The following ADGRB3 variants were observed in gnomAD, a reference collection of about 807,000 sequenced individuals.
ADGRB3 encodes the protein brain-specific angiogenesis inhibitor 3.
In ADGRB3, 37 loss-of-function variants were observed where a neutral mutation model predicts 193.4. The ratio of observed to expected loss-of-function variants is 0.19; its 90% confidence interval spans 0.15 to 0.25. ADGRB3 has a LOEUF of 0.25. Among genes scored for constraint, ADGRB3 ranks in the 10% least tolerant of loss-of-function variants. ADGRB3 has a pLI of 1.00. For missense variants in ADGRB3, 1,637 were observed against 1,852.9 expected, an observed-to-expected ratio of 0.88 and a Z score of 2.14; for synonymous variants, 690 against 644.2, an observed-to-expected ratio of 1.07 and a Z score of -1.08.
At chr6:69,231,372 G>A (rs759071473) in intron 17 of ADGRB3, among the ~76,000 whole-genome samples, 78 of 152,304 alleles carry the variant, frequency 5.1e-4, no homozygotes, top group Non-Finnish European at 9.6e-4. Context: ...GGGCATAGCT[G>A]CATAACTGAA....
chr6:68,949,263 T>C (rs1258974576), intron 6 of ADGRB3, among the ~76,000 whole-genome samples: 1 of 152,096 alleles, frequency 6.6e-6, no homozygotes, highest in Non-Finnish European at 1.5e-5. Flanking sequence ...ACAAGCTGTG[T>C]CAGTCTGTTG....
At chr6:68,731,817 A>T (rs2127332719) in intron 3 of ADGRB3, among the ~76,000 whole-genome samples, 1 of 151,792 alleles carries the variant, frequency 6.6e-6, no homozygotes, top group East Asian at 1.9e-4. Flanking sequence ...TGTGAATCAT[A>T]TTGTTACTGT....
chr6:69,027,143 G>A (rs1770457387), intron 13 of ADGRB3, among the ~76,000 whole-genome samples: 1 of 151,760 alleles, frequency 6.6e-6, no homozygotes, highest in Non-Finnish European at 1.5e-5. Flanking sequence ...TTGTACAGCT[G>A]TAAAAATATT....
chr6:69,334,744 CTT>C (rs1223057521), intron 24 of ADGRB3, among the ~76,000 whole-genome samples: 7 of 152,068 alleles, frequency 4.6e-5, no homozygotes, highest in Admixed American at 1.3e-4. Context: ...GTAGTATAAA[CTT>C]ACATAATTTA....
chr6:68,899,599 T>C (rs1201546748), intron 3 of ADGRB3, among the ~76,000 whole-genome samples: 3 of 152,046 alleles, frequency 2.0e-5, no homozygotes, highest in East Asian at 1.9e-4. Flanking sequence ...ATTTCATCCA[T>C]GTCCCTACAA....
intron 12 of ADGRB3, among the ~76,000 whole-genome samples, chr6:69,015,366 G>T (rs997835318): frequency 4.0e-5 from 6 of 151,806 alleles, no homozygotes; most frequent in South Asian, 2.1e-4. Flanking sequence ...ATTTCCTTGA[G>T]ATTTTGAGTT....
intron 8 of ADGRB3, 117 bp downstream of exon 8, chr6:68,956,926 T>C (rs1768093040): frequency 8.7e-7 from 1 of 1,149,522 alleles, no homozygotes; most frequent in South Asian, 1.6e-5. Flanking sequence ...CTACTAATGA[T>C]AGGTGGCAAT....
At chr6:69,040,390 T>C (rs2150298191) in intron 13 of ADGRB3, among the ~76,000 whole-genome samples, 1 of 140,432 alleles carries the variant, frequency 7.1e-6, no homozygotes, top group East Asian at 2.2e-4. Context: ...TCTCTCTCTT[T>C]CTTTCCTTCA....
chr6:68,916,002 T>A (rs934733002), intron 3 of ADGRB3, among the ~76,000 whole-genome samples: 26 of 151,136 alleles, frequency 1.7e-4, no homozygotes, highest in Middle Eastern at 3.4e-3. Context: ...GAAAAATAAA[T>A]TAAAGAAGGA....
intron 19 of ADGRB3, among the ~76,000 whole-genome samples, chr6:69,236,892 T>A (rs1766277515): frequency 6.6e-6 from 1 of 151,996 alleles, no homozygotes; most frequent in Non-Finnish European, 1.5e-5. Flanking sequence ...TGAGATGAAC[T>A]TGAGAATTAC....
intron 11 of ADGRB3, among the ~76,000 whole-genome samples, chr6:69,010,623 G>T (rs906464887): frequency 6.6e-6 from 1 of 151,828 alleles, no homozygotes; most frequent in African/African-American, 2.4e-5. Flanking sequence ...TAAAGCATAG[G>T]TGGGCAACAT....
chr6:69,128,936 A>G (rs1409740505), intron 17 of ADGRB3, among the ~76,000 whole-genome samples: 1 of 152,164 alleles, frequency 6.6e-6, no homozygotes, highest in Non-Finnish European at 1.5e-5. Flanking sequence ...GGTCTCATCT[A>G]AGTCTTCAGG....
chr6:69,319,753 G>A (rs1339516390), intron 20 of ADGRB3, among the ~76,000 whole-genome samples: 1 of 151,158 alleles, frequency 6.6e-6, no homozygotes, highest in Non-Finnish European at 1.5e-5. Flanking sequence ...TTACATGTTA[G>A]TATTTGCATA....
At chr6:69,309,398 G>T (rs926274918) in intron 20 of ADGRB3, among the ~76,000 whole-genome samples, 2 of 151,634 alleles carry the variant, frequency 1.3e-5, no homozygotes, top group Admixed American at 1.3e-4. Flanking sequence ...GCATTAAATT[G>T]CATCCTAGAA....
chr6:69,229,198 G>A lies in ADGRB3; in HGVS notation c.2481-4092G>A, dbSNP rs149847953. On this transcript the variant is annotated intron_variant, in intron 17 of 31. Transcript: ENST00000370598. The stretch of plus-strand genomic sequence containing the variant: ...AATGTCTTTTAAAGTAGAAATTAAC[G>A]TCGAAGAGTGTTCTTGCTCAAAATT... 1.4e-4 allele frequency among the ~76,000 whole-genome samples: 22 copies of A among 152,118 alleles called. No individual in the cohort carries two copies. In the East Asian group the frequency reaches 3.7e-3, roughly 25 times the overall value.
intron 3 of ADGRB3, among the ~76,000 whole-genome samples, chr6:68,698,882 T>C (rs1765196903): frequency 6.6e-6 from 1 of 152,070 alleles, no homozygotes. Context: ...GATGTGTTGA[T>C]TGAAAATCTC....
chr6:68,825,155 C>A (rs1767819449), intron 3 of ADGRB3, among the ~76,000 whole-genome samples: 1 of 152,140 alleles, frequency 6.6e-6, no homozygotes, highest in Admixed American at 6.6e-5. Flanking sequence ...CTGTGCCCCG[C>A]CAATCTGAGC....
intron 20 of ADGRB3, among the ~76,000 whole-genome samples, chr6:69,252,271 T>A (rs1191543658): frequency 6.6e-6 from 1 of 152,212 alleles, no homozygotes; most frequent in Non-Finnish European, 1.5e-5. Context: ...ATTTATTGTA[T>A]GACTATATCA....
intron 15 of ADGRB3, 144 bp downstream of exon 15, chr6:69,049,490 A>G: frequency 5.1e-6 from 3 of 588,118 alleles, no homozygotes; most frequent in Non-Finnish European, 8.5e-6. Context: ...AATTTAATGA[A>G]CAGGCTATTA....
Sources: allele counts gnomAD v4.1 joint callset (sites outside exome capture counted in the v4.1 genomes callset), GRCh38; gene constraint gnomAD v4.1.1; transcripts MANE v1.5; gene names NCBI Gene and HGNC (gene_info 2026-07-23, HGNC 2026-07-21).